RTF1: variants seen among roughly 807,000 people sequenced by gnomAD.
The protein encoded by RTF1 is RTF1 homolog, Paf1/RNA polymerase II complex component.
A neutral mutation model predicts 95.7 loss-of-function variants in RTF1; 10 were observed. The ratio of observed to expected loss-of-function variants is 0.10; its 90% CI spans 0.06 to 0.18. The LOEUF is 0.18. Ranked by LOEUF, RTF1 falls within the 10% of genes least tolerant of loss-of-function variation. The probability of loss-of-function intolerance (pLI) is 1.00; values close to 1 mark genes in which losing one functional copy is unlikely to be tolerated. For synonymous variants in RTF1, 305 were observed against 311.8 expected (o/e 0.98, Z 0.23); for missense variants, 458 against 875.6 (o/e 0.52, Z 6.02).
In RTF1 at chr15:41,480,141, G is replaced by A. The variant is rs77118515; in HGVS notation, c.1915-73G>A. 3,154 of 941,806 alleles carry A rather than the reference G, an allele frequency of 3.3e-3. 61 individuals are homozygous for A. In the African/African-American group the frequency reaches 0.047, roughly 14 times the overall value. 58.3% of individuals were successfully genotyped at this position (941,806 alleles called of 1,614,324 possible). ...TGAACTCAAATAAGAGCTTCGTACC[G>A]TTAGTGGCTGCTGCTGCTTGAAATC... On this transcript the variant is annotated intron_variant, in intron 16 of 17. Coordinates refer to ENST00000389629, the MANE Select transcript of RTF1 (RefSeq NM_015138.5).
At chr15:41,431,150 C>T (rs774948802) in intron 1 of RTF1, among the ~76,000 whole-genome samples, 1 of 148,424 alleles carries the variant, frequency 6.7e-6, no homozygotes, top group African/African-American at 2.5e-5. Context: ...GTGATCTGCC[C>T]ACCTTGGCCT....
Position 41,480,602 on chromosome 15 carries a change from C to A in RTF1, c.2048C>A (p.Thr683Asn). The change falls in exon 18 of 18, where the codon ACC becomes AAC. Residue 683 changes from threonine to asparagine, a missense_variant. By Grantham distance (65) the Thr-to-Asn change is moderately conservative. This residue lies in a region of RTF1 where 50 missense variants were observed against 100.0 expected (regional missense o/e 0.50). Transcript: ENST00000389629. ...PSSESKALAI[T>N]SKAPPAKDGA... ...ACAGAGTCAAAGGCTTTAGCCATCA[C>A]CTCCAAGGCTCCGCCAGCCAAGGAT... 6.2e-7 allele frequency: 1 copy of A among 1,614,090 alleles called. No homozygotes were observed. Among genetic ancestry groups the A allele is most frequent in the Non-Finnish European group, 8.5e-7 (1 of 1,179,922 alleles).
At chr15:41,418,412 A>G (rs774758149) in intron 1 of RTF1, among the ~76,000 whole-genome samples, 3 of 152,224 alleles carry the variant, frequency 2.0e-5, no homozygotes, top group Non-Finnish European at 4.4e-5. Flanking sequence ...GGTTTATTGT[A>G]AAGATCAAGT....
At position 41,452,959 on chromosome 15, in the gene RTF1, A is replaced by G. The variant is rs2050795975; in HGVS notation, c.368A>G (p.Lys123Arg). The change falls in exon 3 of 18, where the codon AAA (lysine) becomes AGA (arginine). Residue 123 changes from lysine (K) to arginine (R), a missense_variant. Physicochemically the swap from Lys to Arg is conservative, Grantham distance 26 (BLOSUM62 2). Around this residue, in one of 11 missense-constraint regions of RTF1, gnomAD observed 39 missense variants for 38.4 expected, o/e 1.02. Transcript: ENST00000389629. ...GGAAAAGCCAGAAAAATAGAGAAGA[A>G]AGGAACCATGAAGAAACAGGCCAAC... Reference protein sequence around the residue: ...KKGKARKIEKKGTMKKQANKT... With the variant: ...KKGKARKIEKRGTMKKQANKT... The G allele has an allele frequency of 6.2e-7, 1 of 1,613,206 alleles. No individual in the cohort carries two copies. Among genetic ancestry groups the G allele is most frequent in the South Asian group, 1.1e-5 (1 of 90,936 alleles).
At chr15:41,477,328 A>C in intron 13 of RTF1, 42 bp downstream of exon 13, 1 of 1,614,024 alleles carries the variant, frequency 6.2e-7, no homozygotes, top group Non-Finnish European at 8.5e-7. Flanking sequence ...ACCTTGGCCA[A>C]AATTATCAGG....
At position 41,480,978 on chromosome 15, in the gene RTF1, C is replaced by CCAT; in HGVS notation, c.*291_*292insCAT. On this transcript the variant is annotated 3_prime_UTR_variant, in exon 18 of 18. Coordinates refer to ENST00000389629, the MANE Select transcript of RTF1 (RefSeq NM_015138.5). Reference sequence around the variant, plus strand: ...TTTGCCTTTTGTTTTTTTAACCGCGCAGTTCATTGGCCACTCTGCACGCAT... The same window carrying CCAT: ...TTTGCCTTTTGTTTTTTTAACCGCGCCATAGTTCATTGGCCACTCTGCACGCAT... The CCAT allele has an allele frequency of 2.6e-6, 1 of 377,546 alleles. No individual in the cohort carries two copies. Among genetic ancestry groups the CCAT allele is most frequent in the Non-Finnish European group, 5.0e-6 (1 of 199,918 alleles). 23.4% of individuals were successfully genotyped at this position (377,546 alleles called of 1,614,324 possible). A position where few individuals can be genotyped will look rare whatever the true frequency, so the allele number is the denominator to read the frequency against.
chr15:41,437,368 G>T (rs2050709910), intron 1 of RTF1, among the ~76,000 whole-genome samples: 4 of 151,086 alleles, frequency 2.6e-5, no homozygotes, highest in Admixed American at 2.6e-4. Context: ...GGGCGTGGTG[G>T]TGGGCGCCTG....
intron 15 of RTF1, 23 bp downstream of exon 15, chr15:41,478,648 TTA>T: frequency 6.3e-7 from 1 of 1,577,426 alleles, no homozygotes; most frequent in Non-Finnish European, 8.7e-7. Context: ...AGAGGACATT[TTA>T]GTCAGGACCT....
Position 41,466,126 on chromosome 15 carries a change from T to A in RTF1, c.778-15T>A, listed in dbSNP as rs998598749. The A allele has an allele frequency of 6.6e-7, 1 of 1,523,346 alleles. No individual in the cohort carries two copies. The allele number at this position is 1,523,346 out of a possible 1,614,324, so 94.4% of individuals were successfully genotyped here. A position where few individuals can be genotyped will look rare whatever the true frequency, so the allele number is the denominator to read the frequency against. On this transcript the variant is annotated splice_polypyrimidine_tract_variant and intron_variant, in intron 5 of 17. Coordinates refer to ENST00000389629, the MANE Select transcript of RTF1 (RefSeq NM_015138.5). ...TTGGTAAAAAGGGCCATTCTATATATCCTTCCCTTCCTAGGTAACATCCCA... is the reference window on the plus strand; with the variant it reads ...TTGGTAAAAAGGGCCATTCTATATAACCTTCCCTTCCTAGGTAACATCCCA...
chr15:41,417,127 C>A lies in RTF1; in HGVS notation c.12C>A (p.Arg4=). 8 of 1,250,260 alleles carry A rather than the reference C, an allele frequency of 6.4e-6. No individual in the cohort carries two copies. Among genetic ancestry groups the A allele is most frequent in the Non-Finnish European group, 8.1e-6 (8 of 993,570 alleles). 77.4% of individuals were successfully genotyped at this position (1,250,260 alleles called of 1,614,324 possible). MRG[R]LCVGRAAAAA... ...GGAGCGGAGCGCGCATGCGCGGTCG[C>A]CTTTGTGTGGGTCGAGCAGCGGCGG... Residue 4 remains arginine (R), a synonymous_variant, in exon 1 of 18, where the codon CGC becomes CGA. Coordinates refer to ENST00000389629, the MANE Select transcript of RTF1 (RefSeq NM_015138.5).
chr15:41,440,350 C>T (rs2140952613), intron 2 of RTF1: 1 of 152,112 alleles, frequency 6.6e-6, no homozygotes, highest in African/African-American at 2.4e-5. Context: ...GCCACCACAC[C>T]TGGCTAATTT....
chr15:41,456,851 C>T (rs990371678), intron 3 of RTF1, among the ~76,000 whole-genome samples: 2 of 151,406 alleles, frequency 1.3e-5, no homozygotes, highest in African/African-American at 4.9e-5. Context: ...TTTGAGAGGC[C>T]AAGGTGGGCG....
chr15:41,421,032 A>T (rs1852758032), intron 1 of RTF1, among the ~76,000 whole-genome samples: 1 of 152,234 alleles, frequency 6.6e-6, no homozygotes, highest in South Asian at 2.1e-4. Context: ...TTAAGCGTAC[A>T]TGTATAGGCT....
At position 41,474,605 on chromosome 15, in the gene RTF1, T is replaced by C. The variant is rs1387497210; in HGVS notation, c.1204-15T>C. The C allele has an allele frequency of 6.3e-7, 1 of 1,599,490 alleles. No individual in the cohort carries two copies. The highest frequency in any genetic ancestry group is 8.6e-7 in the Non-Finnish European group (1 of 1,166,564). On this transcript the variant is annotated splice_polypyrimidine_tract_variant and intron_variant, in intron 8 of 17. Transcript: ENST00000389629. ...AGAGTCTGGTTTTGACTGGCGTCTC[T>C]GTCCTCTCACTTAGGTCGCTGAGAT...
In RTF1 at chr15:41,460,577, C is replaced by A. The variant is rs138318742; in HGVS notation, c.662+2701C>A. Among the ~76,000 whole-genome samples, 798 of 152,164 alleles carry A rather than the reference C, an allele frequency of 5.2e-3. 10 individuals carry two copies. Among genetic ancestry groups the A allele is most frequent in the African/African-American group, 0.018 (745 of 41,508 alleles). ...ATGTTGTCGTGTAAGGCCAATAAGT[C>A]CTATGACAAAATCACAAAGTAGCTC... On this transcript the variant is annotated intron_variant, in intron 4 of 17. Coordinates refer to ENST00000389629, the MANE Select transcript of RTF1 (RefSeq NM_015138.5).
intron 1 of RTF1, among the ~76,000 whole-genome samples, chr15:41,423,072 A>G (rs1312434736): frequency 2.6e-5 from 4 of 152,084 alleles, no homozygotes; most frequent in African/African-American, 4.8e-5. Flanking sequence ...GTGCCCGGCC[A>G]GCCCTGTAAG....
intron 4 of RTF1, among the ~76,000 whole-genome samples, chr15:41,461,980 C>T (rs1340917943): frequency 9.3e-5 from 14 of 149,744 alleles, no homozygotes; most frequent in African/African-American, 3.5e-4. Context: ...GTCTTGAACT[C>T]CTGGCCTCAA....
At position 41,479,838 on chromosome 15, in the gene RTF1, A is replaced by G. The variant is rs372043270; in HGVS notation, c.1915-376A>G. Among the ~76,000 whole-genome samples the G allele has an allele frequency of 1.7e-3, 258 of 149,986 alleles. 1 individual carries two copies. Among genetic ancestry groups the G allele is most frequent in the African/African-American group, 6.0e-3 (245 of 40,736 alleles). On this transcript the variant is annotated intron_variant, in intron 16 of 17. Transcript: ENST00000389629. ...AGATTGCACCGTTGTACTCCAGCCT[A>G]GGTGACAAGAGTGAGACTCCCACCT...
chr15:41,418,839 G>A (rs1310326970), intron 1 of RTF1, among the ~76,000 whole-genome samples: 1 of 151,634 alleles, frequency 6.6e-6, no homozygotes, highest in African/African-American at 2.4e-5. Context: ...GCATAAAAGG[G>A]GAGGACTTTT....
Sources: gnomAD v4.1 joint callset for allele counts (sites outside exome capture counted in the v4.1 genomes callset) on GRCh38, gnomAD v4.1.1 for gene constraint, gnomAD v4.1.1 regional missense constraint, MANE v1.5 for transcripts, NCBI Gene and HGNC (gene_info 2026-07-23, HGNC 2026-07-21) for gene names.